The following RAD54B variants were observed in gnomAD, a reference collection of about 807,000 sequenced individuals.
RAD54B encodes RAD54 homolog B, also known as DNA repair and recombination protein RAD54B.
In RAD54B, 78 loss-of-function variants were observed where a neutral mutation model predicts 95.8. The observed-to-expected ratio is 0.81, with a 90% CI of 0.68 to 0.98. RAD54B has a LOEUF of 0.98. RAD54B is among the 50% of genes least tolerant of loss of function. The pLI, the probability that RAD54B is intolerant of heterozygous loss-of-function variation, is 0.00. For synonymous variants in RAD54B, 328 were observed against 354.9 expected (o/e 0.92, Z 0.85); for missense variants, 957 against 1,056.6 (o/e 0.91, Z 1.31).
At chr8:94,436,199 C>T (rs1417955744) in intron 3 of RAD54B, among the ~76,000 whole-genome samples, 1 of 151,964 alleles carries the variant, frequency 6.6e-6, no homozygotes, top group East Asian at 1.9e-4. Context: ...AATTTTAAAG[C>T]TTAAGAAGTT....
chr8:94,463,733 C>T (rs1210275346), intron 2 of RAD54B, among the ~76,000 whole-genome samples: 1 of 151,356 alleles, frequency 6.6e-6, no homozygotes, highest in African/African-American at 2.4e-5. Flanking sequence ...TAAAAATTAG[C>T]CTATAAAATT....
chr8:94,447,200 C>T (rs954600669), intron 3 of RAD54B, among the ~76,000 whole-genome samples: 1 of 152,158 alleles, frequency 6.6e-6, no homozygotes, highest in African/African-American at 2.4e-5. Context: ...ATTTACTCCA[C>T]CCATGCTACA....
At chr8:94,458,462 A>G (rs746246952) in intron 2 of RAD54B, 26 bp from the exon 3 acceptor site, 25 of 1,503,450 alleles carry the variant, frequency 1.7e-5, no homozygotes, top group Middle Eastern at 2.2e-4. Flanking sequence ...ATATATTTAA[A>G]TCAGAACTCA....
chr8:94,463,188 A>G (rs1254959826), intron 2 of RAD54B, among the ~76,000 whole-genome samples: 1 of 151,448 alleles, frequency 6.6e-6, no homozygotes, highest in African/African-American at 2.4e-5. Context: ...AAACAAATAA[A>G]TAAATAAATA....
In RAD54B at chr8:94,432,369, C is replaced by T. The variant is rs193096842; in HGVS notation, c.305-21054G>A. On this transcript the variant is annotated intron_variant, in intron 3 of 14. Coordinates refer to ENST00000336148, the MANE Select transcript of RAD54B (RefSeq NM_012415.3). The stretch of plus-strand genomic sequence containing the variant: ...TAATAGTGACCTAAAGTGTTCACCA[C>T]TCTCATGCCGAAAAAAATCATCTCT... 111 of 1,550,362 alleles carry T rather than the reference C, an allele frequency of 7.2e-5. 2 individuals are homozygous for T. In the Admixed American group the frequency reaches 2.1e-3, roughly 29 times the overall value.
chr8:94,404,416 C>T (rs1811336221), intron 5 of RAD54B, among the ~76,000 whole-genome samples, 177 bp from the exon 6 acceptor site: 1 of 152,186 alleles, frequency 6.6e-6, no homozygotes, highest in Non-Finnish European at 1.5e-5. Context: ...AATCTCATGC[C>T]TTACTGATGA....
chr8:94,453,346 T>C (rs1323725572), intron 3 of RAD54B, among the ~76,000 whole-genome samples: 1 of 152,060 alleles, frequency 6.6e-6, no homozygotes, highest in Non-Finnish European at 1.5e-5. Flanking sequence ...CTGGCCAATA[T>C]GGTGAACCCC....
chr8:94,418,147 A>C (rs890702573), intron 3 of RAD54B, among the ~76,000 whole-genome samples: 3 of 151,792 alleles, frequency 2.0e-5, no homozygotes, highest in Non-Finnish European at 4.4e-5. Context: ...ATAGTTTTTT[A>C]CCCTTCTCTT....
intron 12 of RAD54B, among the ~76,000 whole-genome samples, chr8:94,379,339 C>T (rs921075778): frequency 6.6e-6 from 1 of 152,156 alleles, no homozygotes; most frequent in African/African-American, 2.4e-5. Flanking sequence ...TGACCCCAAA[C>T]AAAATTCTGG....
chr8:94,424,735 G>A (rs2450550), intron 3 of RAD54B, among the ~76,000 whole-genome samples: 14,393 of 151,980 alleles, frequency 0.095, 1,119 homozygotes, highest in East Asian at 0.32. Context: ...AAAAGTGGTC[G>A]GCATAAACAA....
At chr8:94,457,136 T>C (rs903278245) in intron 3 of RAD54B, among the ~76,000 whole-genome samples, 4 of 152,120 alleles carry the variant, frequency 2.6e-5, no homozygotes, top group Admixed American at 1.3e-4. Flanking sequence ...AGAAAAGAAC[T>C]GGGCATACAT....
intron 3 of RAD54B, among the ~76,000 whole-genome samples, chr8:94,443,804 T>C (rs1293444856): frequency 6.6e-6 from 1 of 152,018 alleles, no homozygotes; most frequent in Non-Finnish European, 1.5e-5. Context: ...TTTTCCCAGG[T>C]GTATCCTTAA....
Position 94,378,274 on chromosome 8 carries a change from T to C in RAD54B, c.2421A>G (p.Glu807=). 1 of 1,613,700 alleles carries C rather than the reference T, an allele frequency of 6.2e-7. No individual in the cohort carries two copies. Among genetic ancestry groups the C allele is most frequent in the South Asian group, 1.1e-5 (1 of 90,964 alleles). ...KTSEHIQFSV[E]ELKNLFTLHE... Reference sequence around the variant, plus strand: ...GTAATGTGAACAAATTTTTAAGTTCTTCTACTGAAAACTGAATATGTTCAG... The same window carrying C: ...GTAATGTGAACAAATTTTTAAGTTCCTCTACTGAAAACTGAATATGTTCAG... The change falls in exon 14 of 15, where the codon GAA becomes GAG. Residue 807 remains glutamate (E), a synonymous_variant. Coordinates refer to ENST00000336148, the MANE Select transcript of RAD54B (RefSeq NM_012415.3).
chr8:94,436,565 T>A, intron 3 of RAD54B: 1 of 1,550,482 alleles, frequency 6.4e-7, no homozygotes, highest in Non-Finnish European at 8.7e-7. Context: ...ATAACTTTCT[T>A]GGTTGGCTCA....
intron 3 of RAD54B, among the ~76,000 whole-genome samples, chr8:94,438,542 G>C (rs1255678902): frequency 6.6e-6 from 1 of 152,124 alleles, no homozygotes; most frequent in Non-Finnish European, 1.5e-5. Flanking sequence ...AACATTAAAA[G>C]AGAACCAAAG....
intron 3 of RAD54B, chr8:94,431,400 A>C: frequency 1.0e-6 from 1 of 984,870 alleles, no homozygotes. Context: ...TCCTGATTTC[A>C]CAACCTAACA....
intron 14 of RAD54B, among the ~76,000 whole-genome samples, chr8:94,374,857 G>A (rs539918161): frequency 2.0e-5 from 3 of 152,156 alleles, no homozygotes; most frequent in African/African-American, 7.2e-5. Context: ...GGTTGTTAAT[G>A]TTTTAAATGG....
intron 6 of RAD54B, among the ~76,000 whole-genome samples, chr8:94,402,735 T>C (rs753420210): frequency 6.6e-6 from 1 of 152,198 alleles, no homozygotes; most frequent in Non-Finnish European, 1.5e-5. Flanking sequence ...TGTTCAGAAC[T>C]GTTTTTCAGA....
chr8:94,474,503 T>C (rs1488354853), intron 1 of RAD54B, among the ~76,000 whole-genome samples: 1 of 152,180 alleles, frequency 6.6e-6, no homozygotes, highest in African/African-American at 2.4e-5. Flanking sequence ...TGTTCCTACC[T>C]AGAAAATCTT....
Sources: gnomAD v4.1 joint callset for allele counts (sites outside exome capture counted in the v4.1 genomes callset) on GRCh38, gnomAD v4.1.1 for gene constraint, MANE v1.5 for transcripts, NCBI Gene and HGNC (gene_info 2026-07-23, HGNC 2026-07-21) for gene names.